Variants in CDH4 observed in about 807,000 individuals in gnomAD.
CDH4 encodes cadherin-4.
CDH4 carries 33 observed loss-of-function variants against 86.0 expected under a neutral mutation model. The ratio of observed to expected loss-of-function variants is 0.38; its 90% CI spans 0.29 to 0.51. The LOEUF (loss-of-function observed/expected upper bound fraction) is 0.51, where lower values mean the gene tolerates loss of function less well. Among genes scored for constraint, CDH4 ranks in the 20% least tolerant of loss-of-function variants. The pLI is 0.86. For synonymous variants in CDH4, 555 were observed against 549.4 expected, an observed-to-expected ratio of 1.01 and a Z score of -0.14; for missense variants, 1,114 against 1,307.4, an observed-to-expected ratio of 0.85 and a Z score of 2.28.
At chr20:61,549,313 C>G (rs546174673) in intron 2 of CDH4, among the ~76,000 whole-genome samples, 1 of 152,234 alleles carries the variant, frequency 6.6e-6, no homozygotes, top group South Asian at 2.1e-4. Context: ...TACCTCACTC[C>G]CTCCCATGTC....
chr20:61,930,475 G>T (rs1476314783), intron 13 of CDH4, among the ~76,000 whole-genome samples: 4 of 152,156 alleles, frequency 2.6e-5, no homozygotes, highest in African/African-American at 7.2e-5. Flanking sequence ...AGTCACCGTG[G>T]TCTGTGATAC....
chr20:61,758,686 G>A (rs373712045), intron 3 of CDH4, among the ~76,000 whole-genome samples: 20 of 152,332 alleles, frequency 1.3e-4, no homozygotes, highest in African/African-American at 4.6e-4. Context: ...CCCCTGAGCC[G>A]TGGCCACTCT....
Position 61,252,866 on chromosome 20 carries a change from G to A in CDH4, c.57+296G>A, listed in dbSNP as rs1409259127. ...AGCCTCCCTCGAACGCCCAAAGCCC[G>A]TAGCCGCTACCCGGAGCTCGGCTTG... On this transcript the variant is annotated intron_variant, in intron 1 of 15. Coordinates refer to ENST00000614565, the MANE Select transcript of CDH4 (RefSeq NM_001794.5). This position sits in a 1 kb window ranked among gnomAD's most constrained non-coding sequence, Gnocchi z 4.4. Among the ~76,000 whole-genome samples the A allele has an allele frequency of 6.6e-6, 1 of 151,870 alleles. No homozygotes were observed. Among genetic ancestry groups the A allele is most frequent in the Non-Finnish European group, 1.5e-5 (1 of 67,930 alleles).
intron 2 of CDH4, among the ~76,000 whole-genome samples, chr20:61,606,521 G>C (rs2086646902): frequency 6.6e-6 from 1 of 152,224 alleles, no homozygotes; most frequent in African/African-American, 2.4e-5. Context: ...CCTGTCCTGT[G>C]AACACAGAGG....
chr20:61,458,765 A>G (rs950953736), intron 2 of CDH4, among the ~76,000 whole-genome samples: 10 of 151,784 alleles, frequency 6.6e-5, no homozygotes, highest in African/African-American at 2.4e-4. Context: ...GGTGGTAGTG[A>G]TGATGATGGT....
chr20:61,473,505 T>A (rs527261904), intron 2 of CDH4, among the ~76,000 whole-genome samples: 1 of 152,338 alleles, frequency 6.6e-6, no homozygotes, highest in Non-Finnish European at 1.5e-5. Context: ...TTTTCTCCAA[T>A]GCTGGGTCTT....
intron 9 of CDH4, 130 bp from the exon 10 acceptor site, chr20:61,923,321 A>G (rs2055004269): frequency 2.2e-6 from 2 of 915,128 alleles, no homozygotes; most frequent in East Asian, 4.8e-5. Context: ...CCTCCTGGCT[A>G]AAGAGCAGAG....
At chr20:61,809,617 G>C (rs1980324485) in intron 4 of CDH4, among the ~76,000 whole-genome samples, 1 of 152,210 alleles carries the variant, frequency 6.6e-6, no homozygotes, top group South Asian at 2.1e-4. Context: ...TCCCATTCTG[G>C]ATCCGCCTAT....
At chr20:61,920,070 C>CATGTCGTGATTGT (rs1568887714) in intron 9 of CDH4, among the ~76,000 whole-genome samples, 12 of 104,356 alleles carry the variant, frequency 1.1e-4, no homozygotes, top group South Asian at 3.2e-4. Flanking sequence ...TGTGTGGAAG[C>CATGTCGTGATTGT]GTGGTGTCAC....
chr20:61,625,915 G>C (rs1011577000), intron 2 of CDH4, among the ~76,000 whole-genome samples: 5 of 152,240 alleles, frequency 3.3e-5, no homozygotes, highest in Non-Finnish European at 5.9e-5. Context: ...ATGTAACCTT[G>C]ACTTCTCGTC....
intron 2 of CDH4, among the ~76,000 whole-genome samples, chr20:61,285,252 T>C (rs8125266): frequency 0.72 from 108,784 of 152,128 alleles, 40,187 homozygotes; most frequent in East Asian, 0.92. Flanking sequence ...TGTGACATCG[T>C]CAAGGTTACG....
In CDH4 at chr20:61,690,124, C is replaced by T. The variant is rs138645059; in HGVS notation, c.170-53439C>T. Among the ~76,000 whole-genome samples the T allele has an allele frequency of 2.8e-4, 40 of 141,432 alleles. 1 individual carries two copies. Among genetic ancestry groups the T allele is most frequent in the African/African-American group, 9.2e-4 (33 of 35,856 alleles). 92.8% of individuals were successfully genotyped at this position (141,432 alleles called of 152,430 possible). A position where few individuals can be genotyped will look rare whatever the true frequency, so the allele number is the denominator to read the frequency against. On this transcript the variant is annotated intron_variant, in intron 2 of 15. Coordinates refer to ENST00000614565, the MANE Select transcript of CDH4 (RefSeq NM_001794.5). ...AGTGGTTTCTGAGGTGATGTGGATTCGGGTGGGGACACTGGTTGGTGAGGT... is the reference window on the plus strand; with the variant it reads ...AGTGGTTTCTGAGGTGATGTGGATTTGGGTGGGGACACTGGTTGGTGAGGT...
intron 2 of CDH4, among the ~76,000 whole-genome samples, chr20:61,558,906 C>T (rs1215837178): frequency 6.6e-6 from 1 of 152,262 alleles, no homozygotes; most frequent in Non-Finnish European, 1.5e-5. Context: ...TGCTGCCTGC[C>T]AGCTGGCCCC....
intron 2 of CDH4, among the ~76,000 whole-genome samples, chr20:61,713,734 G>T (rs1568771764): frequency 6.6e-6 from 1 of 152,196 alleles, no homozygotes; most frequent in Non-Finnish European, 1.5e-5. Flanking sequence ...GAGGGAGGGG[G>T]CTCCCCATGG....
chr20:61,639,792 G>T lies in CDH4; in HGVS notation c.170-103771G>T, dbSNP rs114881512. ...TGAACAGCGTCTTTATTTCTTGGTG[G>T]GCTTTAGGTCAGCTGGCCGATTATT... On this transcript the variant is annotated intron_variant, in intron 2 of 15. Coordinates refer to ENST00000614565, the MANE Select transcript of CDH4 (RefSeq NM_001794.5). Among the ~76,000 whole-genome samples, 344 of 152,128 alleles carry T rather than the reference G, an allele frequency of 2.3e-3. 2 individuals carry two copies. The highest frequency in any genetic ancestry group is 7.7e-3 in the African/African-American group (321 of 41,506).
Position 61,928,326 on chromosome 20 carries a change from C to T in CDH4, c.1908C>T (p.Ala636=), listed in dbSNP as rs781120748. ...PNLNAINITA[A]DADVDPNIGP... ...TGAACGCCATCAACATCACGGCGGC[C>T]GACGCTGACGTCGACCCCAACATCG... The change falls in exon 12 of 16, where the codon GCC becomes GCT. Residue 636 remains alanine, a synonymous_variant. Transcript: ENST00000614565. 1.8e-5 allele frequency: 29 copies of T among 1,609,936 alleles called. No homozygotes were observed. The highest frequency in any genetic ancestry group is 2.4e-5 in the Non-Finnish European group (28 of 1,179,434).
intron 2 of CDH4, among the ~76,000 whole-genome samples, chr20:61,382,858 G>T (rs2084911949): frequency 1.3e-5 from 2 of 148,416 alleles, no homozygotes; most frequent in African/African-American, 5.1e-5. Flanking sequence ...GATCCTTAAT[G>T]TCATTACATC....
chr20:61,328,507 G>C (rs1032362423), intron 2 of CDH4, among the ~76,000 whole-genome samples: 1 of 152,230 alleles, frequency 6.6e-6, no homozygotes, highest in Non-Finnish European at 1.5e-5. Flanking sequence ...AGTTTTGCCA[G>C]GTGCAGTGGC....
At chr20:61,691,083 C>T (rs952241784) in intron 2 of CDH4, among the ~76,000 whole-genome samples, 2 of 152,136 alleles carry the variant, frequency 1.3e-5, no homozygotes, top group African/African-American at 4.8e-5. Context: ...TCACAGCTCC[C>T]GGAAGTGCAT....
Sources: gnomAD v4.1 joint callset for allele counts (sites outside exome capture counted in the v4.1 genomes callset) on GRCh38, gnomAD v4.1.1 for gene constraint, Gnocchi (gnomAD v3.1) non-coding constraint, MANE v1.5 for transcripts, NCBI Gene and HGNC (gene_info 2026-07-23, HGNC 2026-07-21) for gene names.